C5orf52: variants seen among roughly 807,000 people sequenced by gnomAD.
C5orf52 encodes the protein uncharacterized protein C5orf52.
C5orf52 carries 15 observed loss-of-function variants against 16.8 expected under a neutral mutation model. The ratio of observed to expected loss-of-function variants is 0.89; its 90% CI spans 0.60 to 1.38. The LOEUF (loss-of-function observed/expected upper bound fraction) is 1.38. Ranked by LOEUF, C5orf52 falls within the 40% of genes most tolerant of loss-of-function variation. The probability of loss-of-function intolerance (pLI) is 0.00; values close to 1 mark genes in which losing one functional copy is unlikely to be tolerated. For synonymous variants in C5orf52, 83 were observed against 87.2 expected, an observed-to-expected ratio of 0.95 and a Z score of 0.27; for missense variants, 206 against 213.1, an observed-to-expected ratio of 0.97 and a Z score of 0.21.
At chr5:157,676,871 CTTT>C (rs35620575) in intron 2 of C5orf52, among the ~76,000 whole-genome samples, 1 of 97,122 alleles carries the variant, frequency 1.0e-5, no homozygotes, top group Non-Finnish European at 2.1e-5. Context: ...CTTTTTTTTT[CTTT>C]TTTTTTTTTT....
intron 2 of C5orf52, among the ~76,000 whole-genome samples, chr5:157,677,888 G>A (rs1759932929): frequency 6.6e-6 from 1 of 152,032 alleles, no homozygotes; most frequent in Non-Finnish European, 1.5e-5. Flanking sequence ...GAAGGCTGAG[G>A]CACAAGAATC....
At chr5:157,676,881 T>TTC (rs1759905789) in intron 2 of C5orf52, among the ~76,000 whole-genome samples, 1 of 143,252 alleles carries the variant, frequency 7.0e-6, no homozygotes, top group African/African-American at 2.7e-5. Context: ...CTTTTTTTTT[T>TTC]TTTTTGAGAC....
At position 157,679,978 on chromosome 5, in the gene C5orf52, C is replaced by T. The variant is rs755533276; in HGVS notation, c.459C>T (p.Phe153=). 271 of 1,551,276 alleles carry T rather than the reference C, an allele frequency of 1.7e-4. No individual in the cohort carries two copies. Among genetic ancestry groups the T allele is most frequent in the Non-Finnish European group, 2.3e-4 (259 of 1,146,952 alleles). The part of the protein sequence containing the change: ...ESVNSNRYLT[F]GIPPPV ...TGAACAGCAACCGGTACTTAACCTT[C>T]GGGATACCACCACCAGTTTAAACTC... Residue 153 remains phenylalanine (F), a synonymous_variant, in exon 3 of 3, where the codon TTC becomes TTT. Transcript: ENST00000409999.
chr5:157,676,220 G>A (rs1167914643), intron 2 of C5orf52, among the ~76,000 whole-genome samples: 6 of 152,062 alleles, frequency 3.9e-5, no homozygotes, highest in Non-Finnish European at 8.8e-5. Context: ...TTACAGGCAT[G>A]CACCACTACG....
intron 2 of C5orf52, among the ~76,000 whole-genome samples, chr5:157,678,614 A>G (rs1402862188): frequency 1.3e-5 from 2 of 151,856 alleles, no homozygotes; most frequent in African/African-American, 4.8e-5. Flanking sequence ...ATGCCACCAC[A>G]CCCAGCTAGG....
At chr5:157,678,899 C>T (rs1759956733) in intron 2 of C5orf52, among the ~76,000 whole-genome samples, 1 of 151,942 alleles carries the variant, frequency 6.6e-6, no homozygotes, top group Non-Finnish European at 1.5e-5. Context: ...CTTTGGGAGG[C>T]CGAAGCGGGT....
rs912480400 is a variant in C5orf52, at chr5:157,674,943, C to G, written c.213-149C>G. ...TCCACAACAAGAAACTGTGGTTACTCCCCTGTTCTTTTGAAAATTATGACA... is the reference window on the plus strand; with the variant it reads ...TCCACAACAAGAAACTGTGGTTACTGCCCTGTTCTTTTGAAAATTATGACA... On this transcript the variant is annotated intron_variant, in intron 1 of 2. Coordinates refer to ENST00000409999, the MANE Select transcript of C5orf52 (RefSeq NM_001145132.2). The G allele has an allele frequency of 1.0e-5, 6 of 596,790 alleles. No individual in the cohort carries two copies. The African/African-American group carries it at 1.1e-4, about 11-fold the overall frequency. 37.0% of individuals were successfully genotyped at this position (596,790 alleles called of 1,614,324 possible). A position where few individuals can be genotyped will look rare whatever the true frequency, so the allele number is the denominator to read the frequency against.
intron 2 of C5orf52, among the ~76,000 whole-genome samples, chr5:157,677,595 G>T (rs1000397292): frequency 6.8e-6 from 1 of 147,852 alleles, no homozygotes; most frequent in African/African-American, 2.5e-5. Flanking sequence ...CCGAGGTTGC[G>T]ATGAGCCAAT....
chr5:157,678,368 A>T (rs1385547673), intron 2 of C5orf52, among the ~76,000 whole-genome samples: 2 of 152,170 alleles, frequency 1.3e-5, no homozygotes, highest in Non-Finnish European at 2.9e-5. Context: ...CATTCCCAGG[A>T]TCACCACCCA....
rs572452971 is a variant in C5orf52, at chr5:157,679,931, G to A, written c.412G>A (p.Gly138Arg). The change falls in exon 3 of 3, where the codon GGG becomes AGG. Residue 138 changes from glycine (G) to arginine (R), a missense_variant. Gly to Arg is a moderately radical substitution (Grantham distance 125). Coordinates refer to ENST00000409999, the MANE Select transcript of C5orf52 (RefSeq NM_001145132.2). ...CATGACAGAGCAGCTCAGAAAGCTC[G>A]GGCGATGGAGAGAGGAATCCGTGAA... Reference protein sequence around the residue: ...KFMTEQLRKLGRWREESVNSN... With the variant: ...KFMTEQLRKLRRWREESVNSN... 1.8e-5 allele frequency: 28 copies of A among 1,551,600 alleles called. No homozygotes were observed. The highest frequency in any genetic ancestry group is 5.5e-5 in the African/African-American group (4 of 73,016).
At position 157,671,621 on chromosome 5, in the gene C5orf52, C is replaced by G. The variant is rs1378606963; in HGVS notation, c.7C>G (p.Gln3Glu). ...CTCCAACAGGGAAGCCGCAATGACA[C>G]AGCCGACTAGGCCCTCGGTCACCTG... MT[Q>E]PTRPSVTCDQ... The change falls in exon 1 of 3, where the codon CAG (glutamine) becomes GAG (glutamate). Residue 3 changes from glutamine to glutamate, a missense_variant. By Grantham distance (29) the Gln-to-Glu change is conservative (BLOSUM62 2). Coordinates refer to ENST00000409999, the MANE Select transcript of C5orf52 (RefSeq NM_001145132.2). The G allele has an allele frequency of 6.5e-7, 1 of 1,548,462 alleles. No individual in the cohort carries two copies. Among genetic ancestry groups the G allele is most frequent in the Non-Finnish European group, 8.7e-7 (1 of 1,145,464 alleles).
At position 157,671,721 on chromosome 5, in the gene C5orf52, A is replaced by G. The variant is rs968372628; in HGVS notation, c.107A>G (p.Asn36Ser). 4 of 1,551,292 alleles carry G rather than the reference A, an allele frequency of 2.6e-6. No homozygotes were observed. Among genetic ancestry groups the G allele is most frequent in the Non-Finnish European group, 3.5e-6 (4 of 1,146,816 alleles). The change falls in exon 1 of 3, where the codon AAC (asparagine) becomes AGC (serine). Residue 36 changes from asparagine to serine, a missense_variant. Asn to Ser is a conservative substitution (Grantham distance 46). Transcript: ENST00000409999. Reference sequence around the variant, plus strand: ...AGTTCCAGCGCCACCTCGGGTTCGAACTACCAGCGCGATAGACTCGGCCGC... The same window carrying G: ...AGTTCCAGCGCCACCTCGGGTTCGAGCTACCAGCGCGATAGACTCGGCCGC... ...TTSSSATSGS[N>S]YQRDRLGRRP...
At chr5:157,672,532 G>A (rs1053262450) in intron 1 of C5orf52, among the ~76,000 whole-genome samples, 1 of 151,934 alleles carries the variant, frequency 6.6e-6, no homozygotes, top group Middle Eastern at 3.2e-3. Context: ...AAATGTTTTA[G>A]GGATTTTTTT....
Position 157,679,821 on chromosome 5 carries a change from T to C in C5orf52, c.322-20T>C, listed in dbSNP as rs1233858384. ...CCTCTTTAGGATCTTGATCCTAACC[T>C]CACCTCTGTTTTTTGTAAGGTGAGC... On this transcript the variant is annotated intron_variant, in intron 2 of 2. Transcript: ENST00000409999. 5.8e-6 allele frequency: 9 copies of C among 1,543,528 alleles called. No homozygotes were observed. The highest frequency in any genetic ancestry group is 3.6e-5 in the South Asian group (3 of 82,472).
At chr5:157,674,657 ACT>A (rs1759862126) in intron 1 of C5orf52, among the ~76,000 whole-genome samples, 1 of 152,108 alleles carries the variant, frequency 6.6e-6, no homozygotes, top group Non-Finnish European at 1.5e-5. Flanking sequence ...AGTGCCAGCT[ACT>A]CAGGAGGCCG....
chr5:157,671,453 C>T (rs1303931507), upstream of C5orf52: 1 of 623,132 alleles, frequency 1.6e-6, no homozygotes, highest in Admixed American at 3.1e-5. Flanking sequence ...TGTCCAACAG[C>T]CCCCGTCCCC....
At chr5:157,677,301 T>G (rs1759913749) in intron 2 of C5orf52, among the ~76,000 whole-genome samples, 1 of 152,010 alleles carries the variant, frequency 6.6e-6, no homozygotes, top group African/African-American at 2.4e-5. Context: ...GAAACCCTGA[T>G]TGGTAAGAGT....
chr5:157,677,668 AAG>A (rs1491215200), intron 2 of C5orf52, among the ~76,000 whole-genome samples: 22,182 of 134,256 alleles, frequency 0.17, 2,005 homozygotes, highest in South Asian at 0.24. Context: ...AAAAAAAAAA[AAG>A]AAAAGAAAAG....
At chr5:157,670,969 T>C (rs1759768227), upstream of C5orf52, among the ~76,000 whole-genome samples, 1 of 151,954 alleles carries the variant, frequency 6.6e-6, no homozygotes, top group South Asian at 2.1e-4. Flanking sequence ...CTTATAGGGG[T>C]GGGCCAGGTA....
Sources: gnomAD v4.1 joint callset for allele counts (sites outside exome capture counted in the v4.1 genomes callset) on GRCh38, gnomAD v4.1.1 for gene constraint, MANE v1.5 for transcripts, NCBI Gene and HGNC (gene_info 2026-07-23, HGNC 2026-07-21) for gene names.